Variants in DEGS1 observed in about 807,000 individuals in gnomAD.
DEGS1 encodes the protein sphingolipid delta(4)-desaturase DES1.
In DEGS1, 17 loss-of-function variants were observed where a neutral mutation model predicts 24.1. The ratio of observed to expected loss-of-function variants is 0.70; its 90% CI spans 0.48 to 1.06. DEGS1 has a LOEUF of 1.06. DEGS1 is among the 50% of genes least tolerant of loss of function. The pLI, the probability that DEGS1 is intolerant of heterozygous loss-of-function variation, is 0.00. For missense variants in DEGS1, 366 were observed against 408.9 expected, an observed-to-expected ratio of 0.90 and a Z score of 0.91; for synonymous variants, 134 against 140.0, an observed-to-expected ratio of 0.96 and a Z score of 0.30.
In DEGS1 at chr1:224,189,772, A is replaced by G; in HGVS notation, c.278A>G (p.His93Arg). The stretch of plus-strand genomic sequence containing the variant: ...ACTCTGGCTATTCATGAGATTGCCC[A>G]CAATGCTGCCTTTGGCAACTGCAAA... The part of the protein sequence containing the change: ...SMTLAIHEIA[H>R]NAAFGNCKAM... Residue 93 changes from histidine (H) to arginine (R), a missense_variant, in exon 2 of 3, where the codon CAC (histidine) becomes CGC (arginine). By Grantham distance (29) the His-to-Arg change is conservative. Coordinates refer to ENST00000323699, the MANE Select transcript of DEGS1 (RefSeq NM_003676.4). 2 of 1,614,224 alleles carry G rather than the reference A, an allele frequency of 1.2e-6. No homozygotes were observed. The highest frequency in any genetic ancestry group is 1.7e-6 in the Non-Finnish European group (2 of 1,180,040).
chr1:224,189,539 CTT>C, intron 1 of DEGS1, 36 bp from the exon 2 acceptor site: 3 of 1,467,012 alleles, frequency 2.0e-6, no homozygotes, highest in Non-Finnish European at 2.8e-6. Flanking sequence ...CTATTACATA[CTT>C]TTCTTAGTTC....
rs1032698534 is a variant in DEGS1 at position 224,183,811 on chromosome 1, TCTC to T, written c.82+398_82+400del. ...GGCGCCCTTTCCTCTCACCACTCCC[TCTC>T]CTCCGGAGCGGGCCGAGGTGAGCGG... is the stretch of plus-strand genomic sequence containing the variant. On this transcript the variant is annotated intron_variant, in intron 1 of 2. Coordinates refer to ENST00000323699, the MANE Select transcript of DEGS1 (RefSeq NM_003676.4). The T allele has an allele frequency of 2.7e-4, 43 of 157,966 alleles. 1 individual carries two copies. The highest frequency in any genetic ancestry group is 4.2e-5 in the Non-Finnish European group (3 of 72,112). The allele number at this position is 157,966 out of a possible 1,614,324, so 9.8% of individuals were successfully genotyped here.
chr1:224,191,533 C>A (rs1051570698), intron 2 of DEGS1, among the ~76,000 whole-genome samples: 1 of 148,366 alleles, frequency 6.7e-6, no homozygotes, highest in Non-Finnish European at 1.5e-5. Flanking sequence ...AGTTTTTTAA[C>A]TTGAGATGAA....
chr1:224,193,165 A>G lies in DEGS1; in HGVS notation c.*687A>G, dbSNP rs1658588731. On this transcript the variant is annotated 3_prime_UTR_variant, in exon 3 of 3. Transcript: ENST00000323699. ...AATAAACAGCTATTAATCACAGTGTATTAGTATTTGTTACATTTTTGTATT... is the reference window on the plus strand; with the variant it reads ...AATAAACAGCTATTAATCACAGTGTGTTAGTATTTGTTACATTTTTGTATT... The G allele has an allele frequency of 1.3e-5, 2 of 152,232 alleles. No individual in the cohort carries two copies. Among genetic ancestry groups the G allele is most frequent in the Admixed American group, 6.5e-5 (1 of 15,274 alleles). 9.4% of individuals were successfully genotyped at this position (152,232 alleles called of 1,614,324 possible). A position where few individuals can be genotyped will look rare whatever the true frequency, so the allele number is the denominator to read the frequency against.
chr1:224,186,858 T>C (rs1262240642), intron 1 of DEGS1, among the ~76,000 whole-genome samples: 1 of 152,228 alleles, frequency 6.6e-6, no homozygotes, highest in East Asian at 1.9e-4. Context: ...TCTTTAGATT[T>C]GTTTAAATTA....
chr1:224,188,654 G>C (rs917316517), intron 1 of DEGS1, among the ~76,000 whole-genome samples: 1 of 152,182 alleles, frequency 6.6e-6, no homozygotes, highest in African/African-American at 2.4e-5. Context: ...TTGGAGAAAA[G>C]TGGGTTCAGA....
At chr1:224,187,040 G>A in intron 1 of DEGS1, among the ~76,000 whole-genome samples, 1 of 152,152 alleles carries the variant, frequency 6.6e-6, no homozygotes, top group East Asian at 1.9e-4. Context: ...TGGGCTGGGT[G>A]GCTCATGGCT....
In DEGS1 at chr1:224,183,368, A is replaced by G. The variant is rs535968009; in HGVS notation, c.32A>G (p.Glu11Gly). 2.7e-6 allele frequency: 4 copies of G among 1,480,582 alleles called. No individual in the cohort carries two copies. In the South Asian group the frequency reaches 5.2e-5, roughly 19 times the overall value. The allele number at this position is 1,480,582 out of a possible 1,614,324, so 91.7% of individuals were successfully genotyped here. A position where few individuals can be genotyped will look rare whatever the true frequency, so the allele number is the denominator to read the frequency against. ...AGCCGCGTCTCGCGGGAAGACTTCG[A>G]GTGGGTCTACACCGACCAGCCGCAC... MGSRVSREDF[E>G]WVYTDQPHAD... Residue 11 changes from glutamate (E) to glycine (G), a missense_variant, in exon 1 of 3, where the codon GAG (glutamate) becomes GGG (glycine). Physicochemically the swap from Glu to Gly is moderately conservative, Grantham distance 98. Coordinates refer to ENST00000323699, the MANE Select transcript of DEGS1 (RefSeq NM_003676.4).
intron 2 of DEGS1, among the ~76,000 whole-genome samples, chr1:224,190,613 AC>A (rs1364821148): frequency 3.5e-4 from 51 of 146,632 alleles, no homozygotes; most frequent in African/African-American, 1.4e-3. Context: ...AAAAAAAAAA[AC>A]AAAAAGAGCA....
At chr1:224,190,432 A>G (rs1658508447) in intron 2 of DEGS1, 113 bp downstream of exon 2, 1 of 917,006 alleles carries the variant, frequency 1.1e-6, no homozygotes, top group South Asian at 2.9e-5. Flanking sequence ...ATCTCGGCTC[A>G]CTGTAACCTC....
At chr1:224,187,595 T>C (rs1401121955) in intron 1 of DEGS1, among the ~76,000 whole-genome samples, 1 of 152,180 alleles carries the variant, frequency 6.6e-6, no homozygotes, top group African/African-American at 2.4e-5. Flanking sequence ...CCTCAGGCAG[T>C]CTTTGTGCCT....
At chr1:224,184,464 T>G (rs981027469) in intron 1 of DEGS1, among the ~76,000 whole-genome samples, 10 of 103,928 alleles carry the variant, frequency 9.6e-5, no homozygotes, top group Non-Finnish European at 2.3e-4. Context: ...ACGTGTTTGT[T>G]TTTTGTTTGT....
chr1:224,184,668 C>T (rs961204762), intron 1 of DEGS1, among the ~76,000 whole-genome samples: 11 of 152,068 alleles, frequency 7.2e-5, no homozygotes, highest in African/African-American at 2.4e-4. Flanking sequence ...CCCACCACTA[C>T]GCCTGGCTAA....
Position 224,183,389 on chromosome 1 carries a change from C to A in DEGS1, c.53C>A (p.Pro18Gln). Reference protein sequence around the residue: ...EDFEWVYTDQPHADRRREILA... With the variant: ...EDFEWVYTDQQHADRRREILA... Reference sequence around the variant, plus strand: ...TTCGAGTGGGTCTACACCGACCAGCCGCACGCCGACCGGCGCCGGGAGATC... The same window carrying A: ...TTCGAGTGGGTCTACACCGACCAGCAGCACGCCGACCGGCGCCGGGAGATC... The change falls in exon 1 of 3, where the codon CCG becomes CAG. Residue 18 changes from proline to glutamine, a missense_variant. Physicochemically the swap from Pro to Gln is moderately conservative, Grantham distance 76. Coordinates refer to ENST00000323699, the MANE Select transcript of DEGS1 (RefSeq NM_003676.4). 1 of 1,433,110 alleles carries A rather than the reference C, an allele frequency of 7.0e-7. No homozygotes were observed. Among genetic ancestry groups the A allele is most frequent in the Non-Finnish European group, 9.2e-7 (1 of 1,083,664 alleles). 88.8% of individuals were successfully genotyped at this position (1,433,110 alleles called of 1,614,324 possible). A position where few individuals can be genotyped will look rare whatever the true frequency, so the allele number is the denominator to read the frequency against.
intron 2 of DEGS1, among the ~76,000 whole-genome samples, chr1:224,191,680 C>T (rs1253523648): frequency 1.4e-5 from 2 of 147,802 alleles, no homozygotes; most frequent in Admixed American, 6.9e-5. Context: ...CTGCAACCTC[C>T]GCCTCCCGAG....
rs1490664633 is a variant in DEGS1 at position 224,190,199 on chromosome 1, G to C, written c.705G>C (p.Met235Ile). The C allele has an allele frequency of 1.3e-6, 2 of 1,548,170 alleles. No individual in the cohort carries two copies. The highest frequency in any genetic ancestry group is 1.7e-6 in the Non-Finnish European group (2 of 1,151,926). ...GACATTTTATAGCTGAGCATTACAT[G>C]TTCTTAAAGGGTCATGAAACTTACT... ...ISGHFIAEHY[M>I]FLKGHETYSY... Residue 235 changes from methionine (M) to isoleucine (I), a missense_variant, in exon 2 of 3, where the codon ATG becomes ATC. Transcript: ENST00000323699.
intron 1 of DEGS1, among the ~76,000 whole-genome samples, chr1:224,185,876 G>A (rs1452993552): frequency 6.6e-6 from 1 of 152,108 alleles, no homozygotes; most frequent in African/African-American, 2.4e-5. Context: ...AACCAACTCT[G>A]GAATACTGAA....
At chr1:224,190,897 T>C (rs1348119046) in intron 2 of DEGS1, among the ~76,000 whole-genome samples, 2 of 151,882 alleles carry the variant, frequency 1.3e-5, no homozygotes, top group Non-Finnish European at 2.9e-5. Context: ...TAATTTTTTA[T>C]TTTTTGTAGA....
At chr1:224,190,545 A>T (rs1414542811) in intron 2 of DEGS1, among the ~76,000 whole-genome samples, 1 of 149,746 alleles carries the variant, frequency 6.7e-6, no homozygotes, top group Non-Finnish European at 1.5e-5. Context: ...TTTAGTAGAG[A>T]TGGGGTTTTG....
Sources: gnomAD v4.1 joint callset for allele counts (sites outside exome capture counted in the v4.1 genomes callset) on GRCh38, gnomAD v4.1.1 for gene constraint, MANE v1.5 for transcripts, NCBI Gene and HGNC (gene_info 2026-07-23, HGNC 2026-07-21) for gene names.